The following ANO1 variants were observed in gnomAD, a reference collection of about 807,000 sequenced individuals.
ANO1 encodes anoctamin 1, also known as anoctamin-1.
Under a neutral mutation model 124.0 loss-of-function variants are expected in ANO1, and 59 were observed. The observed-to-expected ratio is 0.48, with a 90% CI of 0.39 to 0.59. ANO1 has a LOEUF of 0.59. Ranked by LOEUF, ANO1 falls within the 20% of genes least tolerant of loss-of-function variation. The pLI, the probability that ANO1 is intolerant of heterozygous loss-of-function variation, is 0.00. For missense variants in ANO1, 1,059 were observed against 1,328.0 expected (o/e 0.80, Z 3.15); for synonymous variants, 529 against 532.0 (o/e 0.99, Z 0.08).
At chr11:70,142,855 C>T (rs1030782424) in intron 11 of ANO1, among the ~76,000 whole-genome samples, 6 of 152,308 alleles carry the variant, frequency 3.9e-5, no homozygotes, top group Non-Finnish European at 5.9e-5. Flanking sequence ...GAAGCCCGTT[C>T]TCTGTTGTCT....
intron 1 of ANO1, among the ~76,000 whole-genome samples, chr11:70,000,711 A>G (rs1856367459): frequency 6.6e-6 from 1 of 151,838 alleles, no homozygotes; most frequent in African/African-American, 2.4e-5. Flanking sequence ...AAGTGTCCCC[A>G]GTAGCATTGT....
At chr11:70,067,956 C>T (rs1455982998) in intron 1 of ANO1, among the ~76,000 whole-genome samples, 4 of 152,294 alleles carry the variant, frequency 2.6e-5, no homozygotes, top group South Asian at 2.1e-4. Context: ...CTCACACCTG[C>T]GGGTCTGTGC....
intron 1 of ANO1, among the ~76,000 whole-genome samples, chr11:70,012,745 A>G (rs574247668): frequency 6.6e-6 from 1 of 152,046 alleles, no homozygotes; most frequent in South Asian, 2.1e-4. Context: ...CCATTCTTTC[A>G]TCTATCTATT....
At chr11:70,151,393 C>T (rs930955051) in intron 12 of ANO1, among the ~76,000 whole-genome samples, 34 of 152,190 alleles carry the variant, frequency 2.2e-4, no homozygotes, top group African/African-American at 8.2e-4. Flanking sequence ...AGCCCAGAGC[C>T]CTGTCCATGG....
chr11:69,993,106 C>G (rs1355888273), intron 1 of ANO1, among the ~76,000 whole-genome samples: 2 of 152,144 alleles, frequency 1.3e-5, no homozygotes, highest in African/African-American at 4.8e-5. Flanking sequence ...CCCACACAAC[C>G]CTGGGAATGC....
At chr11:70,056,709 C>A (rs1857442199) in intron 1 of ANO1, among the ~76,000 whole-genome samples, 1 of 152,010 alleles carries the variant, frequency 6.6e-6, no homozygotes, top group Non-Finnish European at 1.5e-5. Flanking sequence ...TGGTCAGACA[C>A]TTCAAATATT....
chr11:70,181,945 G>T (rs1487874623), intron 23 of ANO1, among the ~76,000 whole-genome samples: 5 of 152,316 alleles, frequency 3.3e-5, no homozygotes, highest in Admixed American at 2.6e-4. Flanking sequence ...GCACAGAGAG[G>T]TTAGGTGATT....
chr11:70,068,868 G>A (rs1354333220), intron 1 of ANO1, among the ~76,000 whole-genome samples: 1 of 152,162 alleles, frequency 6.6e-6, no homozygotes, highest in South Asian at 2.1e-4. Flanking sequence ...ACAGGCAGCA[G>A]TAGGGAAGGA....
At chr11:70,037,265 A>C (rs938173018) in intron 1 of ANO1, among the ~76,000 whole-genome samples, 1 of 152,042 alleles carries the variant, frequency 6.6e-6, no homozygotes, top group Non-Finnish European at 1.5e-5. Flanking sequence ...GGCAATACTC[A>C]GTGGAGCAGG....
chr11:70,017,024 C>T (rs1413183144), intron 1 of ANO1, among the ~76,000 whole-genome samples: 3 of 152,332 alleles, frequency 2.0e-5, no homozygotes, highest in South Asian at 2.1e-4. Context: ...TCCAGGCTGC[C>T]GGGGGCAAGG....
chr11:70,068,207 G>T (rs1356231696), intron 1 of ANO1, among the ~76,000 whole-genome samples: 1 of 152,202 alleles, frequency 6.6e-6, no homozygotes, highest in East Asian at 1.9e-4. Flanking sequence ...CTTGCCCCTA[G>T]GGAGAACCTG....
chr11:70,005,830 G>C (rs957327834), intron 1 of ANO1, among the ~76,000 whole-genome samples: 9 of 152,176 alleles, frequency 5.9e-5, no homozygotes, highest in African/African-American at 2.2e-4. Context: ...GCAGACGTCT[G>C]TCCTGTCTGG....
chr11:70,173,739 C>A (rs532977561), intron 22 of ANO1, among the ~76,000 whole-genome samples: 1 of 152,264 alleles, frequency 6.6e-6, no homozygotes, highest in African/African-American at 2.4e-5. Context: ...ATACATTTTT[C>A]ATTTCACACT....
intron 1 of ANO1, among the ~76,000 whole-genome samples, chr11:70,019,118 C>G (rs1396903154): frequency 1.3e-5 from 2 of 152,152 alleles, no homozygotes; most frequent in African/African-American, 2.4e-5. Flanking sequence ...ATTCGTTCAA[C>G]AAATGTTGAG....
chr11:70,108,492 G>A (rs777634453), intron 6 of ANO1, 88 bp downstream of exon 6: 30 of 1,439,262 alleles, frequency 2.1e-5, no homozygotes, highest in African/African-American at 2.0e-4. Context: ...GCAGGCAGCC[G>A]GCTTGGGGTG....
At chr11:70,088,287 G>C (rs2044473868) in intron 2 of ANO1, among the ~76,000 whole-genome samples, 2 of 152,122 alleles carry the variant, frequency 1.3e-5, no homozygotes, top group East Asian at 3.9e-4. Context: ...TGAGGGGGGT[G>C]GTTCACGAGG....
intron 14 of ANO1, among the ~76,000 whole-genome samples, chr11:70,153,884 G>A (rs1258878833): frequency 1.3e-5 from 2 of 152,046 alleles, no homozygotes; most frequent in African/African-American, 4.8e-5. Context: ...TCATGCCTCA[G>A]CCTCCCGGGT....
intron 1 of ANO1, among the ~76,000 whole-genome samples, 166 bp downstream of exon 1, chr11:70,078,880 C>T (rs557661757): frequency 1.3e-5 from 2 of 150,956 alleles, no homozygotes; most frequent in Non-Finnish European, 3.0e-5. Flanking sequence ...GGGAAGGGCG[C>T]GCCGGCCCTG....
chr11:70,100,864 C>T (rs1237922944), intron 2 of ANO1, among the ~76,000 whole-genome samples: 4 of 152,188 alleles, frequency 2.6e-5, no homozygotes, highest in Non-Finnish European at 4.4e-5. Context: ...GCCCTTCGTT[C>T]GTTCATTCCA....
Sources: gnomAD v4.1 joint callset for allele counts (sites outside exome capture counted in the v4.1 genomes callset) on GRCh38, gnomAD v4.1.1 for gene constraint, MANE v1.5 for transcripts, NCBI Gene and HGNC (gene_info 2026-07-23, HGNC 2026-07-21) for gene names.